The following GGT6 variants were observed in gnomAD, a reference collection of about 807,000 sequenced individuals.
GGT6 encodes the protein glutathione hydrolase 6.
Under a neutral mutation model 17.0 loss-of-function variants are expected in GGT6, and 13 were observed. The ratio of observed to expected loss-of-function variants is 0.77; its 90% CI spans 0.50 to 1.22. The LOEUF is 1.22. GGT6 is among the 50% of genes most tolerant of loss of function. The pLI, the probability that GGT6 is intolerant of heterozygous loss-of-function variation, is 0.00. For synonymous variants in GGT6, 305 were observed against 297.9 expected, an observed-to-expected ratio of 1.02 and a Z score of -0.25; for missense variants, 628 against 643.7, an observed-to-expected ratio of 0.98 and a Z score of 0.26.
Position 4,557,167 on chromosome 17 carries a change from C to T in GGT6, c.*848G>A, listed in dbSNP as rs1232820121. The T allele has an allele frequency of 6.6e-6, 1 of 152,200 alleles. No homozygotes were observed. Among genetic ancestry groups the T allele is most frequent in the Non-Finnish European group, 1.5e-5 (1 of 68,044 alleles). The allele number at this position is 152,200 out of a possible 1,614,324, so 9.4% of individuals were successfully genotyped here. Reference sequence around the variant, plus strand: ...GCTTTTTCGTTATTACCCTGATTTTCTTAGCTGATAAAATAGCTAGAGATT... The same window carrying T: ...GCTTTTTCGTTATTACCCTGATTTTTTTAGCTGATAAAATAGCTAGAGATT... On this transcript the variant is annotated 3_prime_UTR_variant, in exon 4 of 4. Coordinates refer to ENST00000381550, the MANE Select transcript of GGT6 (RefSeq NM_001288702.2).
In GGT6 at chr17:4,558,069, C is replaced by G; in HGVS notation, c.1446G>C (p.Glu482Asp). Residue 482 changes from glutamate (E) to aspartate (D), a missense_variant, in exon 4 of 4, where the codon GAG (glutamate) becomes GAC (aspartate). By Grantham distance (45) the Glu-to-Asp change is conservative (BLOSUM62 2). Coordinates refer to ENST00000381550, the MANE Select transcript of GGT6 (RefSeq NM_001288702.2). ...GTLLQVAAHT[E>D]HAHVSSVPHA... ...GGGGGACACTGGAGACATGGGCGTG[C>G]TCTGTGTGGGCTGCCACCTGGAGCA... The G allele has an allele frequency of 6.3e-7, 1 of 1,593,082 alleles. No individual in the cohort carries two copies. Among genetic ancestry groups the G allele is most frequent in the Non-Finnish European group, 8.6e-7 (1 of 1,168,726 alleles).
chr17:4,559,421 C>A lies in GGT6; in HGVS notation c.379G>T (p.Ala127Ser). 1 of 1,551,974 alleles carries A rather than the reference C, an allele frequency of 6.4e-7. No individual in the cohort carries two copies. Among genetic ancestry groups the A allele is most frequent in the East Asian group, 2.4e-5 (1 of 40,930 alleles). ...CSHLGRELLV[A>S]GGNVVDAGVG... ...CCAGCATCCACGACGTTGCCCCCGG[C>A]AACAAGCAGCTCTCGGCCTAGGTGG... is the stretch of plus-strand genomic sequence containing the variant. The change falls in exon 3 of 4, where the codon GCC (alanine) becomes TCC (serine). Residue 127 changes from alanine (A) to serine (S), a missense_variant. Transcript: ENST00000381550.
At position 4,558,186 on chromosome 17, in the gene GGT6, A is replaced by G. The variant is rs1908305882; in HGVS notation, c.1329T>C (p.His443=). Residue 443 remains histidine, a synonymous_variant, in exon 4 of 4, where the codon CAT becomes CAC. Coordinates refer to ENST00000381550, the MANE Select transcript of GGT6 (RefSeq NM_001288702.2). The part of the protein sequence containing the change: ...ARAMTHTLLR[H]LAARPPTQAQ... ...CCTGGGTAGGGGGCCTTGCTGCCAG[A>G]TGCCTGAGTAGGGTGTGAGTCATGG... The G allele has an allele frequency of 6.2e-7, 1 of 1,614,104 alleles. No individual in the cohort carries two copies. Among genetic ancestry groups the G allele is most frequent in the Non-Finnish European group, 8.5e-7 (1 of 1,179,984 alleles).
At position 4,557,757 on chromosome 17, in the gene GGT6, C is replaced by T; in HGVS notation, c.*258G>A. ...CTTCCTGCCTCAGCCTCCCAAGCAG[C>T]TGGGACAACAGGCATGTGCCACCGC... On this transcript the variant is annotated 3_prime_UTR_variant, in exon 4 of 4. Transcript: ENST00000381550. The T allele has an allele frequency of 2.6e-6, 1 of 385,540 alleles. No individual in the cohort carries two copies. Among genetic ancestry groups the T allele is most frequent in the Non-Finnish European group, 4.7e-6 (1 of 214,332 alleles). The allele number at this position is 385,540 out of a possible 1,614,324, so 23.9% of individuals were successfully genotyped here. A position where few individuals can be genotyped will look rare whatever the true frequency, so the allele number is the denominator to read the frequency against.
Position 4,559,469 on chromosome 17 carries a change from AGGCACTGTCATGCAGCAAGGAG to A in GGT6, c.344-35_344-14del. The A allele has an allele frequency of 6.4e-7, 1 of 1,560,222 alleles. No individual in the cohort carries two copies. The highest frequency in any genetic ancestry group is 8.7e-7 in the Non-Finnish European group (1 of 1,151,572). ...TGGGAGCATGTGGCTGCAGCAAGGAAGGCACTGTCATGCAGCAAGGAGGGGGGCTAGGCTGGGCTGGTGACCC... is the reference window on the plus strand; with the variant it reads ...TGGGAGCATGTGGCTGCAGCAAGGAAGGGGGCTAGGCTGGGCTGGTGACCC... On this transcript the variant is annotated splice_polypyrimidine_tract_variant and intron_variant, in intron 2 of 3. Coordinates refer to ENST00000381550, the MANE Select transcript of GGT6 (RefSeq NM_001288702.2).
At position 4,558,369 on chromosome 17, in the gene GGT6, T is replaced by C. The variant is rs567741056; in HGVS notation, c.1146A>G (p.Ala382=). The C allele has an allele frequency of 3.4e-5, 55 of 1,606,436 alleles. No homozygotes were observed. Among genetic ancestry groups the C allele is most frequent in the Non-Finnish European group, 4.6e-5 (54 of 1,179,982 alleles). Reference sequence around the variant, plus strand: ...GAACCCCAGTGCTTGGGGACAGGTGTGCAGAGCCAAAGGAGCAGTTGAGCG... The same window carrying C: ...GAACCCCAGTGCTTGGGGACAGGTGCGCAGAGCCAAAGGAGCAGTTGAGCG... ...TSSLNCSFGS[A]HLSPSTGVLL... Residue 382 remains alanine (A), a synonymous_variant, in exon 4 of 4, where the codon GCA becomes GCG. Transcript: ENST00000381550.
chr17:4,557,988 C>T lies in GGT6; in HGVS notation c.*27G>A. 7.0e-7 allele frequency: 1 copy of T among 1,433,632 alleles called. No homozygotes were observed. The highest frequency in any genetic ancestry group is 2.3e-5 in the East Asian group (1 of 43,442). 88.8% of individuals were successfully genotyped at this position (1,433,632 alleles called of 1,614,324 possible). ...TGCCCCCATGCTTCAGATAACTCTG[C>T]CTTCTGCCAGACCCACCCCCATCCT... On this transcript the variant is annotated 3_prime_UTR_variant, in exon 4 of 4. Transcript: ENST00000381550.
At position 4,557,485 on chromosome 17, in the gene GGT6, T is replaced by C. The variant is rs1475643607; in HGVS notation, c.*530A>G. On this transcript the variant is annotated 3_prime_UTR_variant, in exon 4 of 4. Coordinates refer to ENST00000381550, the MANE Select transcript of GGT6 (RefSeq NM_001288702.2). The stretch of plus-strand genomic sequence containing the variant: ...CCCGCCACCATGCCCAGCTAATTTT[T>C]TGTATTTTTAGTAGAGACGGGGTTT... 1 of 151,980 alleles carries C rather than the reference T, an allele frequency of 6.6e-6. No homozygotes were observed. The highest frequency in any genetic ancestry group is 1.5e-5 in the Non-Finnish European group (1 of 68,016). The allele number at this position is 151,980 out of a possible 1,614,324, so 9.4% of individuals were successfully genotyped here.
At position 4,557,934 on chromosome 17, in the gene GGT6, C is replaced by G. The variant is rs1021344912; in HGVS notation, c.*81G>C. 20 of 959,294 alleles carry G rather than the reference C, an allele frequency of 2.1e-5. No individual in the cohort carries two copies. In the Admixed American group the frequency reaches 2.6e-4, roughly 12 times the overall value. The allele number at this position is 959,294 out of a possible 1,614,324, so 59.4% of individuals were successfully genotyped here. ...AGGCACCACACCCTGCGGGTGCACA[C>G]TCCATTGCTGCTGTGTCTGCTCTGC... is the stretch of plus-strand genomic sequence containing the variant. On this transcript the variant is annotated 3_prime_UTR_variant, in exon 4 of 4. Transcript: ENST00000381550.
rs1441762076 is a variant in GGT6 at position 4,558,807 on chromosome 17, G to A, written c.708C>T (p.Gly236=). The part of the protein sequence containing the change: ...ARALVARGTE[G]LCPLLCHADG... ...CAGCATGGCAAAGTAGTGGACAGAGGCCTTCTGTGCCCCGAGCCACCAGAG... is the reference window on the plus strand; with the variant it reads ...CAGCATGGCAAAGTAGTGGACAGAGACCTTCTGTGCCCCGAGCCACCAGAG... Residue 236 remains glycine, a synonymous_variant, in exon 4 of 4, where the codon GGC becomes GGT. Coordinates refer to ENST00000381550, the MANE Select transcript of GGT6 (RefSeq NM_001288702.2). 1.3e-6 allele frequency: 2 copies of A among 1,553,732 alleles called. No individual in the cohort carries two copies. The highest frequency in any genetic ancestry group is 4.8e-5 in the East Asian group (2 of 41,342).
Position 4,558,490 on chromosome 17 carries a change from T to G in GGT6, c.1025A>C (p.Asp342Ala). ...AGTCTGCAGGAACGGTGGGCAGGGG[T>G]CAGGGATGGGCGCCCCGGAGCGCAG... Reference protein sequence around the residue: ...AALRSGAPIPDPCPPFLQTAV... With the variant: ...AALRSGAPIPAPCPPFLQTAV... The change falls in exon 4 of 4, where the codon GAC becomes GCC. Residue 342 changes from aspartate (D) to alanine (A), a missense_variant. Asp to Ala is a moderately radical substitution (Grantham distance 126, BLOSUM62 -2). Transcript: ENST00000381550. 6.2e-7 allele frequency: 1 copy of G among 1,607,172 alleles called. No individual in the cohort carries two copies. Among genetic ancestry groups the G allele is most frequent in the South Asian group, 1.1e-5 (1 of 90,552 alleles).
At chr17:4,556,532 C>G (rs1908140386), downstream of GGT6, among the ~76,000 whole-genome samples, 1 of 152,196 alleles carries the variant, frequency 6.6e-6, no homozygotes, top group African/African-American at 2.4e-5. Context: ...GGAACTGCTA[C>G]TGGTCACCCT....
chr17:4,560,459 C>A lies in GGT6; in HGVS notation c.63G>T (p.Glu21Asp). ...CCTCCTCCTCCACTTCCTCCTCCGA[C>A]TCCAAGCTTGGCTCCCAGGGCAGCA... ...QKLLPWEPSL[E>D]SEEEVEEEET... Residue 21 changes from glutamate to aspartate, a missense_variant, in exon 1 of 4, where the codon GAG becomes GAT. Physicochemically the swap from Glu to Asp is conservative, Grantham distance 45. Transcript: ENST00000381550. The A allele has an allele frequency of 6.2e-7, 1 of 1,614,054 alleles. No homozygotes were observed. The highest frequency in any genetic ancestry group is 8.5e-7 in the Non-Finnish European group (1 of 1,180,028).
rs780219052 is a variant in GGT6 at position 4,559,686 on chromosome 17, G to A, written c.215C>T (p.Ser72Phe). 2 of 1,612,688 alleles carry A rather than the reference G, an allele frequency of 1.2e-6. No homozygotes were observed. The highest frequency in any genetic ancestry group is 3.3e-5 in the Admixed American group (2 of 60,024). Residue 72 changes from serine to phenylalanine, a missense_variant, in exon 2 of 4, where the codon TCC (serine) becomes TTC (phenylalanine). Ser to Phe is a radical substitution (Grantham distance 155). Transcript: ENST00000381550. ...ATTCTGGAGCTGCCTCACAGCCAGGGAGCAGCCAACAGCCAGCAGCAGCAG... is the reference window on the plus strand; with the variant it reads ...ATTCTGGAGCTGCCTCACAGCCAGGAAGCAGCCAACAGCCAGCAGCAGCAG... ...AALLLLAVGC[S>F]LAVRQLQNQG...
chr17:4,558,288 G>T lies in GGT6; in HGVS notation c.1227C>A (p.Ile409=). 1 of 1,613,938 alleles carries T rather than the reference G, an allele frequency of 6.2e-7. No homozygotes were observed. Among genetic ancestry groups the T allele is most frequent in the Non-Finnish European group, 8.5e-7 (1 of 1,180,044 alleles). ...CTGTGTCATCCAGGCTGCCACGGAG[G>T]ATGAGGGGGCAGGCCCAGGCACTAG... ...STTSAWACPL[I]LRGSLDDTEA... Residue 409 remains isoleucine (I), a synonymous_variant, in exon 4 of 4, where the codon ATC becomes ATA. Transcript: ENST00000381550.
In GGT6 at chr17:4,558,096, G is replaced by T; in HGVS notation, c.1419C>A (p.Thr473=). 8.1e-6 allele frequency: 13 copies of T among 1,608,746 alleles called. No homozygotes were observed. Among genetic ancestry groups the T allele is most frequent in the South Asian group, 1.1e-5 (1 of 90,254 alleles). The change falls in exon 4 of 4, where the codon ACC becomes ACA. Residue 473 remains threonine, a synonymous_variant. Transcript: ENST00000381550. ...CTGTGTGGGCTGCCACCTGGAGCAG[G>T]GTCCCTTGGCCACAAGTGCTGGGAT... ...TEHPSTCGQG[T]LLQVAAHTEH...
chr17:4,560,450 C>T lies in GGT6; in HGVS notation c.72G>A (p.Glu24=), dbSNP rs1908565735. ...CTGATGTCTCCTCCTCCTCCACTTC[C>T]TCCTCCGACTCCAAGCTTGGCTCCC... The part of the protein sequence containing the change: ...LPWEPSLESE[E]EVEEEETSEA... The change falls in exon 1 of 4, where the codon GAG becomes GAA. Residue 24 remains glutamate (E), a synonymous_variant. Coordinates refer to ENST00000381550, the MANE Select transcript of GGT6 (RefSeq NM_001288702.2). 6.2e-7 allele frequency: 1 copy of T among 1,613,990 alleles called. No homozygotes were observed. The highest frequency in any genetic ancestry group is 1.3e-5 in the African/African-American group (1 of 74,942).
Position 4,558,079 on chromosome 17 carries a change from G to A in GGT6, c.1436C>T (p.Ala479Val). 6.2e-7 allele frequency: 1 copy of A among 1,600,132 alleles called. No homozygotes were observed. Among genetic ancestry groups the A allele is most frequent in the Non-Finnish European group, 8.5e-7 (1 of 1,172,532 alleles). ...GGAGACATGGGCGTGCTCTGTGTGG[G>A]CTGCCACCTGGAGCAGGGTCCCTTG... is the stretch of plus-strand genomic sequence containing the variant. The part of the protein sequence containing the change: ...CGQGTLLQVA[A>V]HTEHAHVSSV... Residue 479 changes from alanine to valine, a missense_variant, in exon 4 of 4, where the codon GCC becomes GTC. By Grantham distance (64) the Ala-to-Val change is moderately conservative. Transcript: ENST00000381550.
chr17:4,559,491 G>T, intron 2 of GGT6, 35 bp from the exon 3 acceptor site: 1 of 1,574,348 alleles, frequency 6.4e-7, no homozygotes, highest in Non-Finnish European at 8.6e-7. Context: ...GCAGCAAGGA[G>T]GGGGGCTAGG....
Sources: allele counts gnomAD v4.1 joint callset (sites outside exome capture counted in the v4.1 genomes callset), GRCh38; gene constraint gnomAD v4.1.1; transcripts MANE v1.5; gene names NCBI Gene and HGNC (gene_info 2026-07-23, HGNC 2026-07-21).